SLC18A1: variants seen among roughly 807,000 people sequenced by gnomAD.
The protein encoded by SLC18A1 is solute carrier family 18 member A1.
A neutral mutation model predicts 53.7 loss-of-function variants in SLC18A1; 69 were observed. The ratio of observed to expected loss-of-function variants is 1.28; its 90% CI spans 1.06 to 1.57. The LOEUF (loss-of-function observed/expected upper bound fraction) is 1.57, where lower values mean the gene tolerates loss of function less well. SLC18A1 is among the 40% of genes most tolerant of loss of function. SLC18A1 has a pLI of 0.00. For missense variants in SLC18A1, 932 were observed against 668.1 expected (o/e 1.40, Z -4.35); for synonymous variants, 320 against 248.1 (o/e 1.29, Z -2.72).
rs964483013 is a variant in SLC18A1 at position 20,167,613 on chromosome 8, G to GT, written c.859-2507dup. On this transcript the variant is annotated intron_variant, in intron 8 of 15. Transcript: ENST00000276373. ...GCACATTGAGTCCCCATAGTTTTTT[G>GT]TTTTTTTTGTTTTTTTTGTTTTTTT... Among the ~76,000 whole-genome samples the GT allele has an allele frequency of 2.6e-3, 397 of 150,896 alleles. 3 individuals are homozygous for GT. Among genetic ancestry groups the GT allele is most frequent in the South Asian group, 6.5e-3 (31 of 4,748 alleles).
chr8:20,171,763 G>A (rs2072126613), intron 6 of SLC18A1, among the ~76,000 whole-genome samples: 4 of 151,992 alleles, frequency 2.6e-5, no homozygotes, highest in Admixed American at 1.3e-4. Flanking sequence ...GATAATTAAA[G>A]CATGGTGAAA....
Position 20,145,607 on chromosome 8 carries a change from G to T in SLC18A1, c.*156C>A, listed in dbSNP as rs2071373693. The T allele has an allele frequency of 2.1e-6, 1 of 484,964 alleles. No homozygotes were observed. The highest frequency in any genetic ancestry group is 2.0e-5 in the African/African-American group (1 of 50,352). 30.0% of individuals were successfully genotyped at this position (484,964 alleles called of 1,614,324 possible). A position where few individuals can be genotyped will look rare whatever the true frequency, so the allele number is the denominator to read the frequency against. On this transcript the variant is annotated 3_prime_UTR_variant, in exon 16 of 16. Transcript: ENST00000276373. ...GAGCTACAAGTTACACAGGTGAGAA[G>T]AGTATCAGGGACAGTGTCCATGGGA...
Position 20,178,408 on chromosome 8 carries a change from G to A in SLC18A1, c.547+27C>T, listed in dbSNP as rs1288624326. ...TAAAATCAAAGGTAATCAGTGAAGGGAAGAAAAGAGGAAGCAAATTACTTA... is the reference window on the plus strand; with the variant it reads ...TAAAATCAAAGGTAATCAGTGAAGGAAAGAAAAGAGGAAGCAAATTACTTA... On this transcript the variant is annotated intron_variant, in intron 4 of 15. Transcript: ENST00000276373. 4 of 1,585,792 alleles carry A rather than the reference G, an allele frequency of 2.5e-6. No homozygotes were observed. The Admixed American group carries it at 5.2e-5, about 20-fold the overall frequency.
intron 10 of SLC18A1, 67 bp from the exon 11 acceptor site, chr8:20,150,811 C>G (rs565308880): frequency 7.1e-7 from 1 of 1,407,160 alleles, no homozygotes; most frequent in Non-Finnish European, 1.0e-6. Flanking sequence ...TTGTCTCGTA[C>G]AAGACACTGA....
At chr8:20,182,839 G>A (rs147658580) in intron 1 of SLC18A1, among the ~76,000 whole-genome samples, 1 of 152,124 alleles carries the variant, frequency 6.6e-6, no homozygotes, top group Non-Finnish European at 1.5e-5. Context: ...GATATGTATG[G>A]ATAAGAATAA....
At chr8:20,158,775 C>T (rs757893208) in intron 10 of SLC18A1, among the ~76,000 whole-genome samples, 1 of 152,160 alleles carries the variant, frequency 6.6e-6, no homozygotes, top group Non-Finnish European at 1.5e-5. Flanking sequence ...TTATACTCTG[C>T]TTTCCCAAAT....
At chr8:20,161,978 G>C (rs1351456369) in intron 10 of SLC18A1, among the ~76,000 whole-genome samples, 1 of 152,162 alleles carries the variant, frequency 6.6e-6, no homozygotes, top group East Asian at 1.9e-4. Context: ...TTAGGTGGAA[G>C]AAGTCATGCA....
chr8:20,158,155 C>A (rs2071727944), intron 10 of SLC18A1, among the ~76,000 whole-genome samples: 2 of 152,128 alleles, frequency 1.3e-5, no homozygotes, highest in African/African-American at 4.8e-5. Flanking sequence ...CTTTGAGGGC[C>A]AGGAGGTTAA....
chr8:20,157,220 G>A (rs548505203), intron 10 of SLC18A1, among the ~76,000 whole-genome samples: 2 of 152,226 alleles, frequency 1.3e-5, no homozygotes, highest in East Asian at 1.9e-4. Context: ...TTTCCCCAAG[G>A]CAAAAACGCC....
intron 10 of SLC18A1, among the ~76,000 whole-genome samples, chr8:20,155,322 G>T (rs1183297489): frequency 6.6e-6 from 1 of 152,176 alleles, no homozygotes; most frequent in African/African-American, 2.4e-5. Context: ...AAAATACCGA[G>T]CACCTGTCAG....
intron 4 of SLC18A1, among the ~76,000 whole-genome samples, chr8:20,176,567 A>G (rs1416665916): frequency 6.6e-6 from 1 of 152,152 alleles, no homozygotes. Context: ...TACATGGGCC[A>G]CCATTTCACT....
chr8:20,180,802 C>T (rs1392373803), intron 2 of SLC18A1, 39 bp downstream of exon 2: 10 of 1,611,194 alleles, frequency 6.2e-6, no homozygotes, highest in Non-Finnish European at 8.5e-6. Flanking sequence ...CTGGGGCCCA[C>T]AGCAAATTAA....
At chr8:20,149,997 G>A (rs1417829031) in intron 11 of SLC18A1, among the ~76,000 whole-genome samples, 2 of 152,142 alleles carry the variant, frequency 1.3e-5, no homozygotes, top group Non-Finnish European at 2.9e-5. Context: ...GGAATCAGCT[G>A]ACTCAGGAGG....
At chr8:20,150,788 A>G (rs747248376) in intron 10 of SLC18A1, 44 bp from the exon 11 acceptor site, 2 of 1,536,314 alleles carry the variant, frequency 1.3e-6, no homozygotes, top group African/African-American at 1.4e-5. Context: ...TGTCCAATTT[A>G]CTCTAAAATG....
At chr8:20,148,224 A>G (rs2071453358) in intron 12 of SLC18A1, among the ~76,000 whole-genome samples, 154 bp from the exon 13 acceptor site, 1 of 152,222 alleles carries the variant, frequency 6.6e-6, no homozygotes, top group African/African-American at 2.4e-5. Flanking sequence ...ATGGAAAAGA[A>G]TCTATACCTC....
intron 12 of SLC18A1, chr8:20,148,409 C>T: frequency 7.9e-7 from 1 of 1,265,254 alleles, no homozygotes; most frequent in Non-Finnish European, 1.0e-6. Flanking sequence ...CTCTACCCCT[C>T]TTCACCTAAA....
chr8:20,145,011 T>C lies in SLC18A1; in HGVS notation c.*752A>G, dbSNP rs2071359029. On this transcript the variant is annotated 3_prime_UTR_variant, in exon 16 of 16. Transcript: ENST00000276373. The stretch of plus-strand genomic sequence containing the variant: ...TAATCAGTTATTTTTTCTGTCTTTC[T>C]TCTACTTTTATTTCTAAGAGTCTAA... The C allele has an allele frequency of 6.6e-6, 1 of 152,176 alleles. No individual in the cohort carries two copies. The highest frequency in any genetic ancestry group is 1.5e-5 in the Non-Finnish European group (1 of 68,038). 9.4% of individuals were successfully genotyped at this position (152,176 alleles called of 1,614,324 possible). A position where few individuals can be genotyped will look rare whatever the true frequency, so the allele number is the denominator to read the frequency against.
At chr8:20,160,347 A>C (rs1474927762) in intron 10 of SLC18A1, among the ~76,000 whole-genome samples, 1 of 150,824 alleles carries the variant, frequency 6.6e-6, no homozygotes, top group Non-Finnish European at 1.5e-5. Context: ...TTCCTTAATT[A>C]GATTTTTCTC....
intron 5 of SLC18A1, 53 bp downstream of exon 5, chr8:20,174,308 G>C (rs1190388684): frequency 8.8e-7 from 1 of 1,137,672 alleles, no homozygotes; most frequent in Non-Finnish European, 1.3e-6. Context: ...AGTAAGAGAT[G>C]TGTGTGTGTG....
Sources: allele counts gnomAD v4.1 joint callset (sites outside exome capture counted in the v4.1 genomes callset), GRCh38; gene constraint gnomAD v4.1.1; transcripts MANE v1.5; gene names NCBI Gene and HGNC (gene_info 2026-07-23, HGNC 2026-07-21).